Variants in SERPINA9 observed in about 807,000 individuals in gnomAD.
SERPINA9 encodes the protein serpin A9.
Under a neutral mutation model 24.5 loss-of-function variants are expected in SERPINA9, and 32 were observed. That is an observed-to-expected ratio of 1.30 (90% CI 0.98 to 1.75). The LOEUF (loss-of-function observed/expected upper bound fraction) is 1.75. SERPINA9 is among the 40% of genes most tolerant of loss of function. The pLI is 0.00. For missense variants in SERPINA9, 594 were observed against 497.1 expected (o/e 1.19, Z -1.85); for synonymous variants, 233 against 197.7 (o/e 1.18, Z -1.50).
rs141225271 is a variant in SERPINA9, at chr14:94,472,118, A to G, written c.-17-2261T>C. ...TAAAGAGTTCTCTGGGAACCCTATG[A>G]CATGTGGCCTTGAGAGTTGACTGCT... On this transcript the variant is annotated intron_variant, in intron 1 of 4. Coordinates refer to ENST00000674397, the MANE Select transcript of SERPINA9 (RefSeq NM_175739.4). Among the ~76,000 whole-genome samples the G allele has an allele frequency of 3.3e-5, 5 of 152,188 alleles. No individual in the cohort carries two copies. In the East Asian group the frequency reaches 9.7e-4, roughly 30 times the overall value.
rs200406674 is a variant in SERPINA9, at chr14:94,467,273, G to T, written c.738C>A (p.Phe246Leu). The T allele has an allele frequency of 5.3e-5, 86 of 1,614,114 alleles. 1 individual carries two copies. In the African/African-American group the frequency reaches 1.1e-3, roughly 20 times the overall value. The change falls in exon 3 of 5, where the codon TTC becomes TTA. Residue 246 changes from phenylalanine (F) to leucine (L), a missense_variant. Transcript: ENST00000674397. ...TCAGCTCTGTATCCACCCCAAAAGC[G>T]AACTGCTCTTTCTGGTGCATCATGG... ...HVPMMHQKEQFAFGVDTELNC... is the reference protein window; with the variant it reads ...HVPMMHQKEQLAFGVDTELNC...
At chr14:94,465,049 A>G (rs963960414) in intron 3 of SERPINA9, among the ~76,000 whole-genome samples, 195 bp from the exon 4 acceptor site, 16 of 152,192 alleles carry the variant, frequency 1.1e-4, no homozygotes, top group African/African-American at 3.6e-4. Context: ...TCCAGCACTA[A>G]AAACATGCAA....
At chr14:94,475,769 C>G (rs184623347) in intron 1 of SERPINA9, among the ~76,000 whole-genome samples, 1 of 152,292 alleles carries the variant, frequency 6.6e-6, no homozygotes, top group South Asian at 2.1e-4. Flanking sequence ...CTGTTCAAGT[C>G]TTGCTCGTTA....
intron 1 of SERPINA9, among the ~76,000 whole-genome samples, chr14:94,475,765 A>C (rs534759118): frequency 6.6e-6 from 1 of 152,284 alleles, no homozygotes; most frequent in Non-Finnish European, 1.5e-5. Flanking sequence ...GAAACTGTTC[A>C]AGTCTTGCTC....
At chr14:94,471,104 T>C (rs1210190876) in intron 1 of SERPINA9, among the ~76,000 whole-genome samples, 1 of 131,346 alleles carries the variant, frequency 7.6e-6, no homozygotes, top group Non-Finnish European at 1.6e-5. Context: ...TGGATGTCCT[T>C]CCCCCCATCA....
intron 3 of SERPINA9, among the ~76,000 whole-genome samples, chr14:94,465,618 CGTGGGT>C (rs1898967787): frequency 6.6e-6 from 1 of 152,264 alleles, no homozygotes; most frequent in Non-Finnish European, 1.5e-5. Flanking sequence ...ACCTCCACCC[CGTGGGT>C]TCAAGTGTTT....
rs967604270 is a variant in SERPINA9, at chr14:94,463,234, G to C, written c.1113C>G (p.Thr371=). Residue 371 remains threonine, a synonymous_variant, in exon 5 of 5, where the codon ACC becomes ACG. Coordinates refer to ENST00000674397, the MANE Select transcript of SERPINA9 (RefSeq NM_175739.4). ...CCTTCGATCGGACTATGAACTTGGTGGTGGTAGCTGCTGTGGCCTCAGTGC... is the reference window on the plus strand; with the variant it reads ...CCTTCGATCGGACTATGAACTTGGTCGTGGTAGCTGCTGTGGCCTCAGTGC... ...EEGTEATAAT[T]TKFIVRSKDG... is the part of the protein sequence containing the mutation. 7 of 1,614,220 alleles carry C rather than the reference G, an allele frequency of 4.3e-6. No individual in the cohort carries two copies. The highest frequency in any genetic ancestry group is 5.9e-6 in the Non-Finnish European group (7 of 1,180,038).
At chr14:94,470,289 G>T in intron 1 of SERPINA9, 3 of 807,392 alleles carry the variant, frequency 3.7e-6, no homozygotes, top group Non-Finnish European at 3.0e-6. Flanking sequence ...TCCATTTTGT[G>T]TAGATCTGAT....
At chr14:94,476,016 T>G in intron 1 of SERPINA9, 120 bp downstream of exon 1, 1 of 1,476,546 alleles carries the variant, frequency 6.8e-7, no homozygotes, top group Admixed American at 1.8e-5. Context: ...TGTGTCTAGG[T>G]TCTCATCTTA....
chr14:94,469,280 A>AACC lies in SERPINA9; in HGVS notation c.558_560dup (p.Val188dup). 6.2e-7 allele frequency: 1 copy of AACC among 1,607,732 alleles called. No homozygotes were observed. Among genetic ancestry groups the AACC allele is most frequent in the Admixed American group, 1.7e-5 (1 of 59,818 alleles). ...GGTCAAGGCCTTGGATTATGTCTAC[A>AACC]ACCTTCCCTTGGGTCTTCTTTTTCA... On this transcript the variant is annotated inframe_insertion, in exon 2 of 5. Coordinates refer to ENST00000674397, the MANE Select transcript of SERPINA9 (RefSeq NM_175739.4).
In SERPINA9 at chr14:94,467,272, C is replaced by T. The variant is rs61761875; in HGVS notation, c.739G>A (p.Ala247Thr). 8.9e-4 allele frequency: 1,431 copies of T among 1,614,150 alleles called. 6 individuals carry two copies. In the Middle Eastern group the frequency reaches 0.014, roughly 16 times the overall value. ...TTCAGCTCTGTATCCACCCCAAAAG[C>T]GAACTGCTCTTTCTGGTGCATCATG... ...VPMMHQKEQF[A>T]FGVDTELNCF... Residue 247 changes from alanine (A) to threonine (T), a missense_variant, in exon 3 of 5, where the codon GCT (alanine) becomes ACT (threonine). Transcript: ENST00000674397.
In SERPINA9 at chr14:94,463,215, A is replaced by G. The variant is rs1293492269; in HGVS notation, c.1132T>C (p.Ser378Pro). 4 of 1,614,184 alleles carry G rather than the reference A, an allele frequency of 2.5e-6. No individual in the cohort carries two copies. Among genetic ancestry groups the G allele is most frequent in the Non-Finnish European group, 3.4e-6 (4 of 1,180,032 alleles). ...GTGAAGTAAGAGGGGCCATCCTTCG[A>G]TCGGACTATGAACTTGGTGGTGGTA... Reference protein sequence around the residue: ...AATTTKFIVRSKDGPSYFTVS... With the variant: ...AATTTKFIVRPKDGPSYFTVS... The change falls in exon 5 of 5, where the codon TCG becomes CCG. Residue 378 changes from serine to proline, a missense_variant. Transcript: ENST00000674397.
intron 3 of SERPINA9, 42 bp from the exon 4 acceptor site, chr14:94,464,896 T>C (rs745660009): frequency 6.4e-7 from 1 of 1,566,112 alleles, no homozygotes; most frequent in South Asian, 1.2e-5. Context: ...CACAAGCCCA[T>C]GGTGTCTGCA....
intron 1 of SERPINA9, among the ~76,000 whole-genome samples, chr14:94,475,282 A>G (rs1566797233): frequency 2.6e-5 from 4 of 152,238 alleles, no homozygotes; most frequent in Admixed American, 1.3e-4. Context: ...CCACCCGGCA[A>G]CATGTAACTC....
In SERPINA9 at chr14:94,469,541, G is replaced by A. The variant is rs1899197042; in HGVS notation, c.300C>T (p.Phe100=). The part of the protein sequence containing the change: ...TKTQILQGLG[F]NLTHTPESAI... Reference sequence around the variant, plus strand: ...CAGACTCTGGTGTGTGTGTGAGGTTGAAGCCCAGGCCCTGGAGAATCTGGG... The same window carrying A: ...CAGACTCTGGTGTGTGTGTGAGGTTAAAGCCCAGGCCCTGGAGAATCTGGG... The change falls in exon 2 of 5, where the codon TTC becomes TTT. Residue 100 remains phenylalanine (F), a synonymous_variant. Transcript: ENST00000674397. The A allele has an allele frequency of 6.2e-7, 1 of 1,614,078 alleles. No individual in the cohort carries two copies. The highest frequency in any genetic ancestry group is 1.7e-5 in the Admixed American group (1 of 60,004).
At chr14:94,466,027 C>G (rs533436473) in intron 3 of SERPINA9, among the ~76,000 whole-genome samples, 1 of 152,294 alleles carries the variant, frequency 6.6e-6, no homozygotes, top group East Asian at 1.9e-4. Context: ...GGACAGCTCT[C>G]TTTTCCCTGC....
intron 3 of SERPINA9, 130 bp downstream of exon 3, chr14:94,466,979 C>G: frequency 9.8e-7 from 1 of 1,019,446 alleles, no homozygotes; most frequent in South Asian, 1.6e-5. Context: ...CCCAGGCTCT[C>G]TGTCCTGCAT....
chr14:94,467,126 G>A lies in SERPINA9; in HGVS notation c.885C>T (p.Ser295=). The change falls in exon 3 of 5, where the codon AGC becomes AGT. Residue 295 remains serine (S), a synonymous_variant. Coordinates refer to ENST00000674397, the MANE Select transcript of SERPINA9 (RefSeq NM_175739.4). ...ATGCCCACCTTTTCTGGAGTGAGTG[G>A]CTCCACTTTCTCAGTGTTCTGGCTG... ...ALSARTLRKW[S]HSLQKRWIEV... 2 of 1,613,974 alleles carry A rather than the reference G, an allele frequency of 1.2e-6. No individual in the cohort carries two copies. The highest frequency in any genetic ancestry group is 1.7e-6 in the Non-Finnish European group (2 of 1,179,956).
Position 94,462,782 on chromosome 14 carries a change from T to C in SERPINA9, c.*311A>G, listed in dbSNP as rs1358470685. The C allele has an allele frequency of 2.8e-6, 1 of 357,688 alleles. No homozygotes were observed. The highest frequency in any genetic ancestry group is 2.1e-5 in the African/African-American group (1 of 48,392). The allele number at this position is 357,688 out of a possible 1,614,324, so 22.2% of individuals were successfully genotyped here. Reference sequence around the variant, plus strand: ...TGTTATTGTAATTCTGCAATAGAGGTGCCTAACCTGGGTTGGCGTATTTCC... The same window carrying C: ...TGTTATTGTAATTCTGCAATAGAGGCGCCTAACCTGGGTTGGCGTATTTCC... On this transcript the variant is annotated 3_prime_UTR_variant, in exon 5 of 5. Coordinates refer to ENST00000674397, the MANE Select transcript of SERPINA9 (RefSeq NM_175739.4).
Sources: gnomAD v4.1 joint callset for allele counts (sites outside exome capture counted in the v4.1 genomes callset) on GRCh38, gnomAD v4.1.1 for gene constraint, MANE v1.5 for transcripts, NCBI Gene and HGNC (gene_info 2026-07-23, HGNC 2026-07-21) for gene names.